The following SRGAP3 variants were observed in gnomAD, a reference collection of about 807,000 sequenced individuals.
SRGAP3 encodes the protein SLIT-ROBO Rho GTPase-activating protein 3.
In SRGAP3, 39 loss-of-function variants were observed where a neutral mutation model predicts 121.1. The observed-to-expected ratio is 0.32, with a 90% CI of 0.25 to 0.42. SRGAP3 has a LOEUF of 0.42. Ranked by LOEUF, SRGAP3 falls within the 10% of genes least tolerant of loss-of-function variation. The pLI, the probability that SRGAP3 is intolerant of heterozygous loss-of-function variation, is 1.00. For synonymous variants in SRGAP3, 601 were observed against 570.0 expected, an observed-to-expected ratio of 1.05 and a Z score of -0.77; for missense variants, 1,213 against 1,470.6, an observed-to-expected ratio of 0.82 and a Z score of 2.86.
intron 1 of SRGAP3, among the ~76,000 whole-genome samples, chr3:9,358,599 C>T (rs966381888): frequency 5.3e-5 from 8 of 152,190 alleles, no homozygotes; most frequent in Non-Finnish European, 1.2e-4. Context: ...TCTACCTAGA[C>T]ATAATGTCAG....
At chr3:9,106,624 C>T (rs374830478) in intron 2 of SRGAP3, among the ~76,000 whole-genome samples, 9 of 152,114 alleles carry the variant, frequency 5.9e-5, no homozygotes, top group African/African-American at 1.9e-4. Flanking sequence ...ATAGTGAATA[C>T]GTTTCATAAG....
At chr3:9,028,001 C>T (rs1944297941) in intron 12 of SRGAP3, 3 of 1,394,022 alleles carry the variant, frequency 2.2e-6, no homozygotes, top group Non-Finnish European at 3.1e-6. Flanking sequence ...AGAATATGGA[C>T]CCATCAGCAA....
At chr3:9,047,318 C>CA (rs1262181365) in intron 10 of SRGAP3, 73 bp downstream of exon 10, 26 of 1,496,494 alleles carry the variant, frequency 1.7e-5, no homozygotes, top group Non-Finnish European at 2.4e-5. Flanking sequence ...AACAGCTCAA[C>CA]ACGTCAGGGG....
intron 1 of SRGAP3, among the ~76,000 whole-genome samples, chr3:9,154,514 C>T (rs372129493): frequency 1.3e-5 from 2 of 152,032 alleles, no homozygotes; most frequent in East Asian, 3.9e-4. Context: ...TCTCAAGGCC[C>T]CACCCCACTC....
At chr3:9,103,631 C>T (rs533483073) in intron 3 of SRGAP3, among the ~76,000 whole-genome samples, 2 of 152,348 alleles carry the variant, frequency 1.3e-5, no homozygotes, top group South Asian at 2.1e-4. Context: ...TCTCCCCGCA[C>T]ACCATTTGTT....
rs184359126 is a variant in SRGAP3 at position 9,338,198 on chromosome 3, G to A, written n.215-7602C>T. Reference sequence around the variant, plus strand: ...AGTGATAGAGGCTTGCACTTGGGGGGGAATGGGGCAGAAAAGGAAGATAAT... The same window carrying A: ...AGTGATAGAGGCTTGCACTTGGGGGAGAATGGGGCAGAAAAGGAAGATAAT... On this transcript the variant is annotated intron_variant and non_coding_transcript_variant, in intron 1 of 3. Coordinates refer to the SRGAP3 transcript ENST00000490889. Among the ~76,000 whole-genome samples the A allele has an allele frequency of 6.6e-5, 10 of 152,248 alleles. No homozygotes were observed. In the East Asian group the frequency reaches 1.9e-3, roughly 29 times the overall value.
At chr3:9,125,092 A>T in intron 1 of SRGAP3, 175 bp from the exon 2 acceptor site, 1 of 716,996 alleles carries the variant, frequency 1.4e-6, no homozygotes, top group South Asian at 1.8e-5. Flanking sequence ...TGGCACAAAG[A>T]TTTCTCTCTT....
At chr3:9,047,263 G>GT in intron 10 of SRGAP3, 128 bp downstream of exon 10, 2 of 930,536 alleles carry the variant, frequency 2.1e-6, no homozygotes, top group Non-Finnish European at 3.4e-6. Flanking sequence ...CCCAGTCCTG[G>GT]TAAGTCCAGG....
At chr3:9,195,209 C>T (rs1951880705) in intron 1 of SRGAP3, among the ~76,000 whole-genome samples, 1 of 152,230 alleles carries the variant, frequency 6.6e-6, no homozygotes, top group Admixed American at 6.5e-5. Flanking sequence ...ATTTTTAAAA[C>T]TGTAGTAAAA....
At chr3:9,235,503 C>CTTTTTTTTT (rs397877508) in intron 1 of SRGAP3, 4 of 133,692 alleles carry the variant, frequency 3.0e-5, no homozygotes, top group African/African-American at 5.5e-5. Context: ...TTTTCTTTTT[C>CTTTTTTTTT]TTTTTTTTTT....
chr3:9,048,589 G>A (rs1431318709), intron 9 of SRGAP3, among the ~76,000 whole-genome samples: 1 of 152,204 alleles, frequency 6.6e-6, no homozygotes, highest in Non-Finnish European at 1.5e-5. Flanking sequence ...AGGAGGCTGA[G>A]GTGAGAGGAT....
chr3:9,169,974 C>A (rs536361884), intron 1 of SRGAP3, among the ~76,000 whole-genome samples: 78 of 152,278 alleles, frequency 5.1e-4, no homozygotes, highest in African/African-American at 1.6e-3. Context: ...TTTCTTCCAA[C>A]TGGGAGACAG....
chr3:9,165,175 A>T (rs1455619685), intron 1 of SRGAP3, among the ~76,000 whole-genome samples: 1 of 152,222 alleles, frequency 6.6e-6, no homozygotes, highest in Non-Finnish European at 1.5e-5. Flanking sequence ...CCCCCAGTGG[A>T]GGCCTATCTT....
At chr3:9,200,867 C>T (rs1435345315) in intron 1 of SRGAP3, among the ~76,000 whole-genome samples, 2 of 152,204 alleles carry the variant, frequency 1.3e-5, no homozygotes, top group African/African-American at 4.8e-5. Flanking sequence ...CAGGCTGACA[C>T]ACACTCTCAT....
intron 7 of SRGAP3, 99 bp from the exon 8 acceptor site, chr3:9,056,433 G>T: frequency 7.8e-7 from 1 of 1,279,556 alleles, no homozygotes; most frequent in Non-Finnish European, 1.1e-6. Flanking sequence ...TCACAGTCCA[G>T]GAAACAGGGG....
At chr3:9,203,698 C>T (rs1230767258) in intron 1 of SRGAP3, among the ~76,000 whole-genome samples, 1 of 152,166 alleles carries the variant, frequency 6.6e-6, no homozygotes, top group Non-Finnish European at 1.5e-5. Flanking sequence ...TATTGTATGC[C>T]CCTGTGCCCA....
chr3:9,095,029 T>G (rs1479825165), intron 3 of SRGAP3, among the ~76,000 whole-genome samples: 2 of 152,176 alleles, frequency 1.3e-5, no homozygotes, highest in Admixed American at 6.5e-5. Flanking sequence ...CCCGAAGTGC[T>G]GAGATTACAG....
At chr3:9,151,323 G>C (rs144489859) in intron 1 of SRGAP3, among the ~76,000 whole-genome samples, 5 of 152,174 alleles carry the variant, frequency 3.3e-5, no homozygotes, top group African/African-American at 1.2e-4. Flanking sequence ...CTGGAGGCTC[G>C]TTCGGGATGT....
chr3:8,981,817 C>G lies in SRGAP3; in HGVS notation c.*3702G>C. 4.4e-6 allele frequency: 1 copy of G among 229,378 alleles called. No individual in the cohort carries two copies. The allele number at this position is 229,378 out of a possible 1,614,324, so 14.2% of individuals were successfully genotyped here. ...CTTCATTGAATAGAAACCTTTCATC[C>G]CTTGGGAATCCATCTCTCTCCTGAC... On this transcript the variant is annotated 3_prime_UTR_variant, in exon 22 of 22. Coordinates refer to ENST00000383836, the MANE Select transcript of SRGAP3 (RefSeq NM_014850.4).
Sources: allele counts gnomAD v4.1 joint callset (sites outside exome capture counted in the v4.1 genomes callset), GRCh38; gene constraint gnomAD v4.1.1; transcripts MANE v1.5; gene names NCBI Gene and HGNC (gene_info 2026-07-23, HGNC 2026-07-21).